Variants in FOCAD observed in about 807,000 individuals in gnomAD.
The protein encoded by FOCAD is focadhesin, also known as KIAA1797.
FOCAD carries 198 observed loss-of-function variants against 225.6 expected under a neutral mutation model. The ratio of observed to expected loss-of-function variants is 0.88; its 90% CI spans 0.78 to 0.99. The LOEUF is 0.99. Among genes scored for constraint, FOCAD ranks in the 50% least tolerant of loss-of-function variants. FOCAD has a pLI of 0.00. For missense variants in FOCAD, 2,713 were observed against 2,123.6 expected, an observed-to-expected ratio of 1.28 and a Z score of -5.46; for synonymous variants, 897 against 755.0, an observed-to-expected ratio of 1.19 and a Z score of -3.08.
chr9:20,779,371 A>G (rs898842175), intron 9 of FOCAD, among the ~76,000 whole-genome samples: 9 of 151,936 alleles, frequency 5.9e-5, no homozygotes, highest in East Asian at 1.9e-4. Flanking sequence ...CTGATCCAAA[A>G]TAATCCACAT....
At chr9:20,944,886 A>C in intron 29 of FOCAD, 112 bp downstream of exon 29, 2 of 1,165,502 alleles carry the variant, frequency 1.7e-6, no homozygotes, top group Middle Eastern at 2.8e-4. Flanking sequence ...TTCTTCCTCA[A>C]AGAGAAAATC....
intron 21 of FOCAD, among the ~76,000 whole-genome samples, chr9:20,895,508 A>G (rs1011246467): frequency 2.0e-5 from 3 of 151,694 alleles, no homozygotes; most frequent in Non-Finnish European, 4.4e-5. Flanking sequence ...AGAATTTTGT[A>G]ATTTTTCTCC....
chr9:20,845,577 A>G lies in FOCAD; in HGVS notation c.1921-17001A>G, dbSNP rs563782806. Reference sequence around the variant, plus strand: ...TTTTTACTGTCATCTACAGTGCTACAGTGATCAGCTTTAGAGCTAAACTGT... The same window carrying G: ...TTTTTACTGTCATCTACAGTGCTACGGTGATCAGCTTTAGAGCTAAACTGT... On this transcript the variant is annotated intron_variant, in intron 15 of 43. Coordinates refer to ENST00000338382, the MANE Select transcript of FOCAD (RefSeq NM_001375567.1). 7.2e-5 allele frequency among the ~76,000 whole-genome samples: 11 copies of G among 151,770 alleles called. No individual in the cohort carries two copies. The East Asian group carries it at 1.9e-3, about 27-fold the overall frequency.
intron 8 of FOCAD, among the ~76,000 whole-genome samples, chr9:20,771,879 C>T (rs910454428): frequency 5.9e-5 from 9 of 152,196 alleles, no homozygotes; most frequent in African/African-American, 1.7e-4. Flanking sequence ...TGGCTTTCCT[C>T]GCATGATAGG....
intron 2 of FOCAD, among the ~76,000 whole-genome samples, chr9:20,662,461 G>T (rs1280228196): frequency 6.6e-6 from 1 of 152,116 alleles, no homozygotes; most frequent in Non-Finnish European, 1.5e-5. Context: ...ATTTTAGTCT[G>T]GGACAACTCC....
At chr9:20,782,554 T>C (rs1387467376) in intron 10 of FOCAD, among the ~76,000 whole-genome samples, 3 of 152,198 alleles carry the variant, frequency 2.0e-5, no homozygotes, top group Non-Finnish European at 4.4e-5. Context: ...GTTGTCATGG[T>C]TTGGATATTG....
intron 42 of FOCAD, among the ~76,000 whole-genome samples, chr9:20,992,798 G>GA (rs759493927): frequency 6.6e-6 from 1 of 151,784 alleles, no homozygotes; most frequent in African/African-American, 2.4e-5. Context: ...TCTCTACTAA[G>GA]AAAAAAATAC....
rs780477707 is a variant in FOCAD at position 20,720,532 on chromosome 9, C to T, written c.285C>T (p.Thr95=). The change falls in exon 4 of 44, where the codon ACC becomes ACT. Residue 95 remains threonine, a splice_region_variant and synonymous_variant. Coordinates refer to ENST00000338382, the MANE Select transcript of FOCAD (RefSeq NM_001375567.1). Reference sequence around the variant, plus strand: ...GGATACTCAACTTGATTCCATCAACCAGGTACTTTTTCCTCAGTGTTTGGT... The same window carrying T: ...GGATACTCAACTTGATTCCATCAACTAGGTACTTTTTCCTCAGTGTTTGGT... The part of the protein sequence containing the change: ...LNGILNLIPS[T]RNTHGLIKAI... 3 of 1,613,320 alleles carry T rather than the reference C, an allele frequency of 1.9e-6. No individual in the cohort carries two copies. In the Admixed American group the frequency reaches 5.0e-5, roughly 27 times the overall value.
intron 21 of FOCAD, among the ~76,000 whole-genome samples, chr9:20,897,623 C>T (rs1832206210): frequency 6.6e-6 from 1 of 151,638 alleles, no homozygotes; most frequent in Non-Finnish European, 1.5e-5. Context: ...TACCACTTCA[C>T]AGGTAGTGCA....
At chr9:20,987,905 G>A (rs1841330914) in intron 40 of FOCAD, among the ~76,000 whole-genome samples, 3 of 152,180 alleles carry the variant, frequency 2.0e-5, no homozygotes, top group African/African-American at 7.2e-5. Flanking sequence ...TTCTTTACAT[G>A]TCTTTGGGTT....
At chr9:20,680,472 T>G (rs1424908996), upstream of FOCAD, among the ~76,000 whole-genome samples, 5 of 152,124 alleles carry the variant, frequency 3.3e-5, no homozygotes, top group Admixed American at 6.5e-5. Flanking sequence ...GCAGGAGAAT[T>G]GCTTGAACCC....
At chr9:20,873,171 C>T (rs774852950) in intron 18 of FOCAD, among the ~76,000 whole-genome samples, 1 of 152,030 alleles carries the variant, frequency 6.6e-6, no homozygotes, top group African/African-American at 2.4e-5. Context: ...TTTCATTTCT[C>T]TTGGTTATAT....
At chr9:20,747,357 T>C (rs1329150740) in intron 5 of FOCAD, among the ~76,000 whole-genome samples, 1 of 152,202 alleles carries the variant, frequency 6.6e-6, no homozygotes. Flanking sequence ...AGTATACTTA[T>C]ACTGCTGATA....
At chr9:20,870,697 C>T (rs1554711456) in intron 18 of FOCAD, among the ~76,000 whole-genome samples, 12 of 152,132 alleles carry the variant, frequency 7.9e-5, no homozygotes, top group Non-Finnish European at 1.8e-4. Context: ...CTATAGTGTT[C>T]TGTGTTACCA....
chr9:20,739,188 A>C (rs1033733469), intron 4 of FOCAD, among the ~76,000 whole-genome samples: 1 of 152,242 alleles, frequency 6.6e-6, no homozygotes, highest in Admixed American at 6.5e-5. Context: ...CTAACCCAAA[A>C]ATAAAGTTAA....
intron 5 of FOCAD, among the ~76,000 whole-genome samples, chr9:20,744,709 A>C (rs897891197): frequency 5.3e-5 from 8 of 152,166 alleles, no homozygotes; most frequent in Admixed American, 4.6e-4. Context: ...GCGTGCAGGT[A>C]AGGGTGGAGA....
In FOCAD at chr9:20,776,366, A is replaced by G. The variant is rs1247017419; in HGVS notation, c.907-2315A>G. On this transcript the variant is annotated intron_variant, in intron 8 of 43. Transcript: ENST00000338382. ...GTGCAGAGCCAGTTACCACAGCAGT[A>G]GCTGTAGCATTTGAAGTGTGCAAAG... Among the ~76,000 whole-genome samples, 3 of 152,238 alleles carry G rather than the reference A, an allele frequency of 2.0e-5. No homozygotes were observed. The East Asian group carries it at 5.8e-4, about 29-fold the overall frequency.
At chr9:20,704,177 T>C (rs1824196800) in intron 1 of FOCAD, among the ~76,000 whole-genome samples, 1 of 152,268 alleles carries the variant, frequency 6.6e-6, no homozygotes, top group Non-Finnish European at 1.5e-5. Flanking sequence ...CTAACAGTAC[T>C]GCGATAACTT....
rs1826027075 is a variant in FOCAD at position 20,836,729 on chromosome 9, T to G, written c.1920+13614T>G. On this transcript the variant is annotated intron_variant, in intron 15 of 43. Coordinates refer to ENST00000338382, the MANE Select transcript of FOCAD (RefSeq NM_001375567.1). ...CCTGCAAGTAGATTTTTAAGTATGG[T>G]TTTTCATTATCAAAATGAAATTTTA... Among the ~76,000 whole-genome samples, 3 of 152,106 alleles carry G rather than the reference T, an allele frequency of 2.0e-5. No individual in the cohort carries two copies. The South Asian group carries it at 6.2e-4, about 32-fold the overall frequency.
Sources: gnomAD v4.1 joint callset for allele counts (sites outside exome capture counted in the v4.1 genomes callset) on GRCh38, gnomAD v4.1.1 for gene constraint, MANE v1.5 for transcripts, NCBI Gene and HGNC (gene_info 2026-07-23, HGNC 2026-07-21) for gene names.